The following NTSR1 variants were observed in gnomAD, a reference collection of about 807,000 sequenced individuals.
The protein encoded by NTSR1 is neurotensin receptor type 1.
NTSR1 carries 29 observed loss-of-function variants against 31.2 expected under a neutral mutation model. That is an observed-to-expected ratio of 0.93 (90% confidence interval 0.69 to 1.27). The LOEUF (loss-of-function observed/expected upper bound fraction) is 1.27. Among genes scored for constraint, NTSR1 ranks in the 50% most tolerant of loss-of-function variants. NTSR1 has a pLI of 0.00. For synonymous variants in NTSR1, 282 were observed against 269.9 expected (o/e 1.04, Z -0.44); for missense variants, 697 against 595.4 (o/e 1.17, Z -1.78).
Position 62,760,528 on chromosome 20 carries a change from T to A in NTSR1, c.*261T>A. On this transcript the variant is annotated 3_prime_UTR_variant, in exon 4 of 4. Coordinates refer to ENST00000370501, the MANE Select transcript of NTSR1 (RefSeq NM_002531.3). ...AACAAGAGAGCGCTCCTCTCCCAGA[T>A]AGGAAAAGGGCCTCTAACAAGGAGA... The A allele has an allele frequency of 2.5e-6, 1 of 400,418 alleles. No homozygotes were observed. The highest frequency in any genetic ancestry group is 4.5e-6 in the Non-Finnish European group (1 of 223,166). The allele number at this position is 400,418 out of a possible 1,614,324, so 24.8% of individuals were successfully genotyped here.
At chr20:62,755,034 G>A (rs1357995969) in intron 2 of NTSR1, 148 bp downstream of exon 2, 4 of 696,446 alleles carry the variant, frequency 5.7e-6, no homozygotes, top group Admixed American at 2.8e-5. Context: ...GCTCCCCCGA[G>A]GGGTGAGTGC....
chr20:62,754,807 CG>C lies in NTSR1; in HGVS notation c.842del (p.Gly281AlafsTer68). 1 of 1,610,628 alleles carries C rather than the reference CG, an allele frequency of 6.2e-7. No homozygotes were observed. ...CCGAGCAGGGCCAAGTGTGCACGGT[CG>C]GGGGCGAGCACAGCACATTCAGCAT... ...AAEQGQVCTV[G>X]GEHSTFSMAI... is the part of the protein sequence containing the mutation. On this transcript the variant is annotated frameshift_variant, in exon 2 of 4. Coordinates refer to ENST00000370501, the MANE Select transcript of NTSR1 (RefSeq NM_002531.3). LOFTEE classifies it high-confidence loss of function.
intron 1 of NTSR1, among the ~76,000 whole-genome samples, chr20:62,731,378 C>A (rs1232881447): frequency 6.6e-6 from 1 of 152,160 alleles, no homozygotes; most frequent in African/African-American, 2.4e-5. Flanking sequence ...GCCACCACGC[C>A]CAGCCGTGTA....
Position 62,760,423 on chromosome 20 carries a change from A to G in NTSR1, c.*156A>G. ...TGGGACCCCCCCCTCCCACCCCCTAACCCATGTTTCTCATTAGTGTCTCCC... is the reference window on the plus strand; with the variant it reads ...TGGGACCCCCCCCTCCCACCCCCTAGCCCATGTTTCTCATTAGTGTCTCCC... On this transcript the variant is annotated 3_prime_UTR_variant, in exon 4 of 4. Transcript: ENST00000370501. The G allele has an allele frequency of 7.5e-6, 4 of 530,076 alleles. No homozygotes were observed. Among genetic ancestry groups the G allele is most frequent in the South Asian group, 2.3e-5 (1 of 42,748 alleles). 32.8% of individuals were successfully genotyped at this position (530,076 alleles called of 1,614,324 possible).
chr20:62,748,917 C>T (rs1456264327), intron 1 of NTSR1, among the ~76,000 whole-genome samples: 3 of 152,162 alleles, frequency 2.0e-5, no homozygotes, highest in African/African-American at 7.2e-5. Context: ...GGAACTTTTC[C>T]GAGAGTCCCC....
At chr20:62,739,955 T>C (rs1011980163) in intron 1 of NTSR1, among the ~76,000 whole-genome samples, 3 of 152,230 alleles carry the variant, frequency 2.0e-5, no homozygotes, top group African/African-American at 7.2e-5. Flanking sequence ...GTGCTGGGAC[T>C]GCTGGCCCCT....
chr20:62,720,156 C>T (rs549732654), intron 1 of NTSR1, among the ~76,000 whole-genome samples: 15 of 152,158 alleles, frequency 9.9e-5, no homozygotes, highest in Admixed American at 3.3e-4. Flanking sequence ...AAAACTTAGC[C>T]AGGTGTGGTG....
At chr20:62,719,161 G>A (rs1184305291) in intron 1 of NTSR1, among the ~76,000 whole-genome samples, 4 of 140,542 alleles carry the variant, frequency 2.8e-5, no homozygotes, top group African/African-American at 8.0e-5. Context: ...TTAAGTTTTT[G>A]TTAGAGCTCT....
chr20:62,740,913 A>G (rs1421927910), intron 1 of NTSR1, among the ~76,000 whole-genome samples: 2 of 152,138 alleles, frequency 1.3e-5, no homozygotes, highest in Admixed American at 1.3e-4. Context: ...GCTGCCTGTG[A>G]TTTACTCTTG....
chr20:62,746,624 ATAAACTGTGAACAATTT>A (rs1157940928), intron 1 of NTSR1, among the ~76,000 whole-genome samples: 1 of 152,256 alleles, frequency 6.6e-6, no homozygotes, highest in Non-Finnish European at 1.5e-5. Flanking sequence ...AAGGATCATA[ATAAACTGTGAACAATTT>A]TATACAAACC....
chr20:62,734,925 C>T (rs1420485877), intron 1 of NTSR1, among the ~76,000 whole-genome samples: 5 of 152,220 alleles, frequency 3.3e-5, no homozygotes, highest in Non-Finnish European at 7.3e-5. Flanking sequence ...ACTGTGCTGC[C>T]CGAGCCCCTC....
At chr20:62,747,780 A>T (rs1420521134) in intron 1 of NTSR1, among the ~76,000 whole-genome samples, 1 of 151,586 alleles carries the variant, frequency 6.6e-6, no homozygotes. Context: ...ACAAAAAAAA[A>T]CTGTTAGCAC....
At chr20:62,727,257 T>C (rs1015412106) in intron 1 of NTSR1, among the ~76,000 whole-genome samples, 1 of 152,078 alleles carries the variant, frequency 6.6e-6, no homozygotes, top group African/African-American at 2.4e-5. Flanking sequence ...TGTCACCACG[T>C]AGATGCGCTC....
rs972677251 is a variant in NTSR1 at position 62,743,137 on chromosome 20, T to C, written c.715-11548T>C. 6.7e-6 allele frequency among the ~76,000 whole-genome samples: 1 copy of C among 149,346 alleles called. No individual in the cohort carries two copies. Among genetic ancestry groups the C allele is most frequent in the Admixed American group, 6.7e-5 (1 of 14,884 alleles). ...CACGGAGCCGCCCCTGCTGGACACGTATCCCGGCCATCTCAGGCCCACCCA... is the reference window on the plus strand; with the variant it reads ...CACGGAGCCGCCCCTGCTGGACACGCATCCCGGCCATCTCAGGCCCACCCA... On this transcript the variant is annotated intron_variant, in intron 1 of 3. Coordinates refer to ENST00000370501, the MANE Select transcript of NTSR1 (RefSeq NM_002531.3). The surrounding 1 kb of genome is among the most constrained non-coding windows in gnomAD (Gnocchi z 7.5).
Position 62,761,519 on chromosome 20 carries a change from C to T in NTSR1, c.*1252C>T, listed in dbSNP as rs1989622694. On this transcript the variant is annotated 3_prime_UTR_variant, in exon 4 of 4. Coordinates refer to ENST00000370501, the MANE Select transcript of NTSR1 (RefSeq NM_002531.3). Reference sequence around the variant, plus strand: ...CCTGGCTTAAGAAGGTCGCCTAAGCCTAAGAGAAGACAGTCCCAGGAGAAG... The same window carrying T: ...CCTGGCTTAAGAAGGTCGCCTAAGCTTAAGAGAAGACAGTCCCAGGAGAAG... 2 of 152,220 alleles carry T rather than the reference C, an allele frequency of 1.3e-5. No homozygotes were observed. The highest frequency in any genetic ancestry group is 2.9e-5 in the Non-Finnish European group (2 of 68,058). 9.4% of individuals were successfully genotyped at this position (152,220 alleles called of 1,614,324 possible).
chr20:62,728,069 C>T (rs6011915), intron 1 of NTSR1, among the ~76,000 whole-genome samples: 86,678 of 152,086 alleles, frequency 0.57, 25,366 homozygotes, highest in East Asian at 0.76. Context: ...GCTCTTTACT[C>T]CCCCTCCTGG....
chr20:62,728,733 C>G (rs1200687279), intron 1 of NTSR1, among the ~76,000 whole-genome samples: 2 of 152,162 alleles, frequency 1.3e-5, no homozygotes, highest in Admixed American at 1.3e-4. Context: ...GGAGGCCAAG[C>G]AGGTTTCACG....
At chr20:62,759,043 C>T (rs1391045587) in intron 3 of NTSR1, among the ~76,000 whole-genome samples, 10 of 152,200 alleles carry the variant, frequency 6.6e-5, no homozygotes, top group Non-Finnish European at 1.2e-4. Context: ...CAGAGGCCAG[C>T]CTTGCCAGCT....
intron 1 of NTSR1, 28 bp downstream of exon 1, chr20:62,709,949 T>G: frequency 1.3e-6 from 2 of 1,509,920 alleles, no homozygotes; most frequent in Non-Finnish European, 1.8e-6. Flanking sequence ...GCCCCGGGGC[T>G]CCCCTCTCCT....
Sources: allele counts gnomAD v4.1 joint callset (sites outside exome capture counted in the v4.1 genomes callset), GRCh38; gene constraint gnomAD v4.1.1; non-coding constraint Gnocchi (gnomAD v3.1); transcripts MANE v1.5; gene names NCBI Gene and HGNC (gene_info 2026-07-23, HGNC 2026-07-21).